SORBS2: variants seen among roughly 807,000 people sequenced by gnomAD.
The protein encoded by SORBS2 is sorbin and SH3 domain-containing protein 2.
In SORBS2, 46 loss-of-function variants were observed where a neutral mutation model predicts 97.7. The observed-to-expected ratio is 0.47, with a 90% CI of 0.37 to 0.60. The LOEUF (loss-of-function observed/expected upper bound fraction) is 0.60. SORBS2 is among the 20% of genes least tolerant of loss of function. SORBS2 has a pLI of 0.00. For synonymous variants in SORBS2, 476 were observed against 473.4 expected, an observed-to-expected ratio of 1.01 and a Z score of -0.07; for missense variants, 1,316 against 1,282.3, an observed-to-expected ratio of 1.03 and a Z score of -0.40.
chr4:185,628,008 T>C (rs1383977643), intron 5 of SORBS2, among the ~76,000 whole-genome samples: 2 of 152,212 alleles, frequency 1.3e-5, no homozygotes, highest in African/African-American at 2.4e-5. Context: ...TGTCACTTGA[T>C]AGCTCATTTC....
intron 1 of SORBS2, among the ~76,000 whole-genome samples, chr4:185,857,744 C>T (rs1304187046): frequency 6.6e-6 from 1 of 152,132 alleles, no homozygotes; most frequent in South Asian, 2.1e-4. Context: ...CTGTCTTATA[C>T]GGTTGAGATA....
intron 2 of SORBS2, among the ~76,000 whole-genome samples, chr4:185,744,873 A>T (rs1431355030): frequency 6.6e-6 from 1 of 152,214 alleles, no homozygotes; most frequent in Non-Finnish European, 1.5e-5. Flanking sequence ...CCTAGGGAAG[A>T]CCCTCTGGCA....
At chr4:185,770,509 ACTT>A (rs905746806) in intron 2 of SORBS2, among the ~76,000 whole-genome samples, 3 of 152,206 alleles carry the variant, frequency 2.0e-5, no homozygotes, top group Non-Finnish European at 4.4e-5. Flanking sequence ...AGGCTCTACT[ACTT>A]CTTATTTCAG....
chr4:185,755,442 G>T lies in SORBS2; in HGVS notation c.-198+19785C>A, dbSNP rs184780337. On this transcript the variant is annotated intron_variant, in intron 2 of 20. Transcript: ENST00000284776. Reference sequence around the variant, plus strand: ...AACTATTTGGAGGTAAAAGACACAAGAAAATAATAGGCACCAGAAGCATAC... The same window carrying T: ...AACTATTTGGAGGTAAAAGACACAATAAAATAATAGGCACCAGAAGCATAC... 1.8e-3 allele frequency among the ~76,000 whole-genome samples: 271 copies of T among 152,300 alleles called. 1 individual carries two copies. Among genetic ancestry groups the T allele is most frequent in the African/African-American group, 6.2e-3 (256 of 41,558 alleles).
intron 1 of SORBS2, among the ~76,000 whole-genome samples, chr4:185,944,965 G>T (rs1229878776): frequency 6.6e-6 from 1 of 152,168 alleles, no homozygotes; most frequent in Non-Finnish European, 1.5e-5. Context: ...ATAGGAAAAA[G>T]AACACTAATA....
At chr4:185,812,488 A>T (rs2099188466) in intron 1 of SORBS2, among the ~76,000 whole-genome samples, 1 of 152,224 alleles carries the variant, frequency 6.6e-6, no homozygotes, top group Non-Finnish European at 1.5e-5. Flanking sequence ...GGGGCTATGT[A>T]TGAAATCGAG....
chr4:185,620,265 G>A (rs1467672951), intron 7 of SORBS2, 114 bp from the exon 20 acceptor site: 22 of 730,416 alleles, frequency 3.0e-5, no homozygotes, highest in Non-Finnish European at 4.3e-5. Context: ...GAGAGACACC[G>A]TTATCGAACA....
chr4:185,687,306 G>A (rs556965104), intron 2 of SORBS2, among the ~76,000 whole-genome samples: 3 of 152,264 alleles, frequency 2.0e-5, no homozygotes, highest in Admixed American at 1.3e-4. Flanking sequence ...GGAATTACAG[G>A]CGTGAGCCAC....
intron 2 of SORBS2, among the ~76,000 whole-genome samples, chr4:185,694,709 TTCTTTTC>T (rs1252144985): frequency 7.5e-6 from 1 of 133,780 alleles, no homozygotes; most frequent in African/African-American, 2.7e-5. Context: ...TTTCTTTCTT[TTCTTTTC>T]TTTTTTTTGA....
chr4:185,758,047 T>C (rs936778981), intron 2 of SORBS2, among the ~76,000 whole-genome samples: 1 of 152,346 alleles, frequency 6.6e-6, no homozygotes, highest in African/African-American at 2.4e-5. Context: ...TAGAGTTGTG[T>C]GGAGGCTGCT....
At chr4:185,954,527 C>A (rs918250962) in intron 1 of SORBS2, among the ~76,000 whole-genome samples, 1 of 152,214 alleles carries the variant, frequency 6.6e-6, no homozygotes, top group East Asian at 1.9e-4. Flanking sequence ...ATCAAGCTAG[C>A]ATAATTGATG....
chr4:185,602,768 G>C (rs994729415), intron 12 of SORBS2, among the ~76,000 whole-genome samples: 1 of 152,182 alleles, frequency 6.6e-6, no homozygotes. Context: ...AACTGGGTCA[G>C]ATGCAGAATT....
chr4:185,924,256 G>T (rs1041902102), intron 1 of SORBS2, among the ~76,000 whole-genome samples: 1 of 152,230 alleles, frequency 6.6e-6, no homozygotes, highest in Non-Finnish European at 1.5e-5. Context: ...CTGCCAGGGA[G>T]TGAGTGGGTG....
chr4:185,689,449 A>G (rs932190782), intron 2 of SORBS2, among the ~76,000 whole-genome samples: 1 of 152,144 alleles, frequency 6.6e-6, no homozygotes, highest in Non-Finnish European at 1.5e-5. Flanking sequence ...GACATCTCCA[A>G]TCATCAAGTT....
rs897628220 is a variant in SORBS2 at position 185,613,956 on chromosome 4, A to G, written c.2595+875T>C. Among the ~76,000 whole-genome samples the G allele has an allele frequency of 1.8e-4, 27 of 152,142 alleles. 1 individual carries two copies. The highest frequency in any genetic ancestry group is 6.5e-4 in the African/African-American group (27 of 41,434). ...AACCAGGACTGTGGTATTGCTCTTC[A>G]TCGCACCTGGCTAAGGATTTCACTA... On this transcript the variant is annotated intron_variant, in intron 11 of 14. Transcript: ENST00000418609.
rs2097832168 is a variant in SORBS2 at position 185,678,792 on chromosome 4, G to A, written c.-171+4C>T. ...AATAATTATTCAGAATATTTTTTCT[G>A]TACCTGAGTCTGGTGACTGAGAATC... is the stretch of plus-strand genomic sequence containing the variant. On this transcript the variant is annotated splice_donor_region_variant and intron_variant, in intron 3 of 20. Transcript: ENST00000284776. 1.4e-6 allele frequency: 2 copies of A among 1,459,326 alleles called. No homozygotes were observed. The highest frequency in any genetic ancestry group is 2.8e-5 in the Admixed American group (1 of 36,054). The allele number at this position is 1,459,326 out of a possible 1,614,324, so 90.4% of individuals were successfully genotyped here.
At chr4:185,911,431 A>G (rs1354692677) in intron 1 of SORBS2, among the ~76,000 whole-genome samples, 1 of 151,690 alleles carries the variant, frequency 6.6e-6, no homozygotes, top group Non-Finnish European at 1.5e-5. Context: ...GTCTCACTAT[A>G]TTGCTCAGGC....
intron 2 of SORBS2, among the ~76,000 whole-genome samples, chr4:185,711,219 T>TCTCCCATCTCATC (rs1272230212): frequency 2.0e-5 from 3 of 151,868 alleles, no homozygotes; most frequent in Admixed American, 6.6e-5. Flanking sequence ...CATCTCAGCC[T>TCTCCCATCTCATC]CTCCCATCTC....
At chr4:185,611,689 T>A in intron 12 of SORBS2, 91 bp downstream of exon 24, 2 of 968,406 alleles carry the variant, frequency 2.1e-6, no homozygotes, top group Non-Finnish European at 3.2e-6. Flanking sequence ...GCAATAGATA[T>A]GATATTCTAA....
Sources: gnomAD v4.1 joint callset for allele counts (sites outside exome capture counted in the v4.1 genomes callset) on GRCh38, gnomAD v4.1.1 for gene constraint, MANE v1.5 for transcripts, NCBI Gene and HGNC (gene_info 2026-07-23, HGNC 2026-07-21) for gene names.